GRIK1: variants seen among roughly 807,000 people sequenced by gnomAD.
The protein encoded by GRIK1 is glutamate receptor ionotropic, kainate 1.
In GRIK1, 69 loss-of-function variants were observed where a neutral mutation model predicts 105.7. That is an observed-to-expected ratio of 0.65 (90% CI 0.54 to 0.80). GRIK1 has a LOEUF of 0.80. Ranked by LOEUF, GRIK1 falls within the 30% of genes least tolerant of loss-of-function variation. The probability of loss-of-function intolerance (pLI) is 0.00; values close to 1 mark genes in which losing one functional copy is unlikely to be tolerated. For missense variants in GRIK1, 1,109 were observed against 1,167.3 expected (o/e 0.95, Z 0.73); for synonymous variants, 438 against 431.3 (o/e 1.02, Z -0.19).
intron 4 of GRIK1, among the ~76,000 whole-genome samples, chr21:29,658,649 C>T (rs1222599382): frequency 2.0e-5 from 3 of 152,164 alleles, no homozygotes; most frequent in Non-Finnish European, 1.5e-5. Flanking sequence ...AACAACCCAG[C>T]CCTTTTGTTA....
intron 1 of GRIK1, among the ~76,000 whole-genome samples, chr21:29,854,998 A>C (rs927469227): frequency 6.6e-6 from 1 of 152,272 alleles, no homozygotes; most frequent in Non-Finnish European, 1.5e-5. Flanking sequence ...TTCAAAAAGT[A>C]AATCATTAGC....
At position 29,677,791 on chromosome 21, in the gene GRIK1, G is replaced by A. The variant is rs17185280; in HGVS notation, c.545-4627C>T. 5.8e-3 allele frequency among the ~76,000 whole-genome samples: 877 copies of A among 152,308 alleles called. 5 individuals carry two copies. Among genetic ancestry groups the A allele is most frequent in the Non-Finnish European group, 0.01 (689 of 68,014 alleles). ...CAGTGAGGAAAGGGAGGCATGGTGA[G>A]GTTAATTGTTTGGATCGGCCCTGAA... On this transcript the variant is annotated intron_variant, in intron 3 of 17. Transcript: ENST00000327783.
At chr21:29,770,240 G>A (rs1250753370) in intron 1 of GRIK1, among the ~76,000 whole-genome samples, 1 of 152,188 alleles carries the variant, frequency 6.6e-6, no homozygotes, top group African/African-American at 2.4e-5. Flanking sequence ...AACAGATTGT[G>A]TCACCCATCG....
intron 1 of GRIK1, among the ~76,000 whole-genome samples, chr21:29,915,361 A>G (rs753558427): frequency 2.6e-5 from 4 of 152,026 alleles, no homozygotes; most frequent in Non-Finnish European, 5.9e-5. Context: ...TACACCAACT[A>G]TCTAGCGGTT....
intron 1 of GRIK1, among the ~76,000 whole-genome samples, chr21:29,707,557 A>G (rs965962478): frequency 1.3e-5 from 2 of 149,884 alleles, no homozygotes; most frequent in Non-Finnish European, 3.0e-5. Context: ...GTGCAATGGC[A>G]CTACCTCAGC....
chr21:29,549,890 T>C (rs2090103052), intron 16 of GRIK1, among the ~76,000 whole-genome samples: 1 of 151,862 alleles, frequency 6.6e-6, no homozygotes, highest in Non-Finnish European at 1.5e-5. Flanking sequence ...GTGGATCACC[T>C]GAGGTCAGGA....
chr21:29,793,150 T>C (rs1356286790), intron 1 of GRIK1, among the ~76,000 whole-genome samples: 1 of 152,158 alleles, frequency 6.6e-6, no homozygotes, highest in Non-Finnish European at 1.5e-5. Context: ...TTCTCTAATA[T>C]GCACACACAC....
intron 1 of GRIK1, among the ~76,000 whole-genome samples, chr21:29,703,328 T>C (rs1006579187): frequency 2.1e-4 from 32 of 152,234 alleles, no homozygotes; most frequent in African/African-American, 7.7e-4. Flanking sequence ...TGTTGACTCC[T>C]GTTTTGCATT....
chr21:29,711,482 T>C (rs2064047943), intron 1 of GRIK1, among the ~76,000 whole-genome samples: 1 of 151,966 alleles, frequency 6.6e-6, no homozygotes, highest in South Asian at 2.1e-4. Context: ...ACAAGATAAA[T>C]ATCTAGTATG....
At chr21:29,682,887 A>C (rs993606870) in intron 3 of GRIK1, among the ~76,000 whole-genome samples, 1 of 152,238 alleles carries the variant, frequency 6.6e-6, no homozygotes, top group African/African-American at 2.4e-5. Flanking sequence ...TATGCATCCA[A>C]CAAATGTCTC....
At chr21:29,712,374 C>T (rs1437899773) in intron 1 of GRIK1, among the ~76,000 whole-genome samples, 1 of 151,896 alleles carries the variant, frequency 6.6e-6, no homozygotes, top group African/African-American at 2.4e-5. Context: ...TGGTACATCT[C>T]TTTATTTCCT....
At chr21:29,545,159 A>G (rs544394083) in intron 16 of GRIK1, among the ~76,000 whole-genome samples, 2 of 152,374 alleles carry the variant, frequency 1.3e-5, no homozygotes, top group African/African-American at 4.8e-5. Context: ...ATGGTATAAA[A>G]GGGAGCATGA....
chr21:29,774,293 C>T (rs1313504381), intron 1 of GRIK1, among the ~76,000 whole-genome samples: 2 of 152,102 alleles, frequency 1.3e-5, no homozygotes, highest in East Asian at 1.9e-4. Flanking sequence ...TATTCAACAA[C>T]TTAAGCAAAT....
At chr21:29,746,895 C>G (rs993268008) in intron 1 of GRIK1, among the ~76,000 whole-genome samples, 1 of 152,070 alleles carries the variant, frequency 6.6e-6, no homozygotes, top group Admixed American at 6.5e-5. Context: ...TACTGCCATA[C>G]AAAATAATCA....
In GRIK1 at chr21:29,758,286, A is replaced by T. The variant is rs566933244; in HGVS notation, c.119-64223T>A. Among the ~76,000 whole-genome samples, 4 of 152,348 alleles carry T rather than the reference A, an allele frequency of 2.6e-5. No individual in the cohort carries two copies. The South Asian group carries it at 8.3e-4, about 32-fold the overall frequency. On this transcript the variant is annotated intron_variant, in intron 1 of 17. Coordinates refer to ENST00000327783, the MANE Select transcript of GRIK1 (RefSeq NM_001330994.2). ...AGACATACTCGAGACTGGGTAATTT[A>T]TAAAGAAAAGAGGTTTAATGGACTC...
chr21:29,899,793 A>T (rs953578331), intron 1 of GRIK1, among the ~76,000 whole-genome samples: 8 of 152,112 alleles, frequency 5.3e-5, no homozygotes, highest in African/African-American at 1.9e-4. Context: ...ATGCAGATGG[A>T]CTTACTCAGT....
intron 16 of GRIK1, among the ~76,000 whole-genome samples, chr21:29,551,134 A>G (rs969404434): frequency 6.6e-6 from 1 of 152,244 alleles, no homozygotes; most frequent in Non-Finnish European, 1.5e-5. Flanking sequence ...AATAGGCTTC[A>G]GAAGTGCTGA....
chr21:29,871,642 GA>G (rs1437142519), intron 1 of GRIK1, among the ~76,000 whole-genome samples: 9 of 151,422 alleles, frequency 5.9e-5, no homozygotes, highest in African/African-American at 1.9e-4. Context: ...GTAAAGGAGG[GA>G]AAAAAAGAAA....
chr21:29,793,424 G>A (rs768468506), intron 1 of GRIK1, among the ~76,000 whole-genome samples: 19 of 152,188 alleles, frequency 1.2e-4, no homozygotes, highest in Middle Eastern at 3.4e-3. Context: ...TGGCTCTTGA[G>A]TATATTCAGT....
Sources: gnomAD v4.1 joint callset for allele counts (sites outside exome capture counted in the v4.1 genomes callset) on GRCh38, gnomAD v4.1.1 for gene constraint, MANE v1.5 for transcripts, NCBI Gene and HGNC (gene_info 2026-07-23, HGNC 2026-07-21) for gene names.